The following CAMKMT variants were observed in gnomAD, a reference collection of about 807,000 sequenced individuals.
CAMKMT encodes the protein CaM KMT.
A neutral mutation model predicts 48.0 loss-of-function variants in CAMKMT; 53 were observed. The ratio of observed to expected loss-of-function variants is 1.10; its 90% CI spans 0.89 to 1.39. The LOEUF is 1.39. Ranked by LOEUF, CAMKMT falls within the 40% of genes most tolerant of loss-of-function variation. The pLI is 0.00. For synonymous variants in CAMKMT, 165 were observed against 152.3 expected (o/e 1.08, Z -0.61); for missense variants, 428 against 402.7 (o/e 1.06, Z -0.54).
At chr2:44,368,697 T>A (rs1678866421) in intron 1 of CAMKMT, among the ~76,000 whole-genome samples, 1 of 152,216 alleles carries the variant, frequency 6.6e-6, no homozygotes, top group Non-Finnish European at 1.5e-5. Context: ...TTTAGACTAT[T>A]AAAAGGTATT....
At chr2:44,757,216 G>T (rs1412454943) in intron 9 of CAMKMT, among the ~76,000 whole-genome samples, 1 of 152,188 alleles carries the variant, frequency 6.6e-6, no homozygotes, top group African/African-American at 2.4e-5. Context: ...TGGCTGATGG[G>T]ATGCCTGAGT....
intron 7 of CAMKMT, among the ~76,000 whole-genome samples, 196 bp downstream of exon 7, chr2:44,715,549 C>G (rs529020560): frequency 1.1e-3 from 163 of 152,286 alleles, no homozygotes; most frequent in African/African-American, 3.7e-3. Flanking sequence ...CTCTCATTAG[C>G]TCCAATTAAT....
chr2:44,493,241 A>C (rs1009437739), intron 3 of CAMKMT, among the ~76,000 whole-genome samples: 3 of 152,108 alleles, frequency 2.0e-5, no homozygotes, highest in African/African-American at 7.2e-5. Context: ...AAAAAACATG[A>C]ATTTACTTTG....
At chr2:44,498,276 T>C (rs1415673333) in intron 3 of CAMKMT, among the ~76,000 whole-genome samples, 1 of 152,200 alleles carries the variant, frequency 6.6e-6, no homozygotes, top group Non-Finnish European at 1.5e-5. Flanking sequence ...TGCAGAAATG[T>C]AGCTATTCAG....
In CAMKMT at chr2:44,522,395, A is replaced by G. The variant is rs1443803947; in HGVS notation, c.376+132090A>G. 3.9e-5 allele frequency among the ~76,000 whole-genome samples: 6 copies of G among 152,138 alleles called. No homozygotes were observed. The South Asian group carries it at 6.2e-4, about 16-fold the overall frequency. On this transcript the variant is annotated intron_variant, in intron 3 of 10. Coordinates refer to ENST00000378494, the MANE Select transcript of CAMKMT (RefSeq NM_024766.5). ...TTGTAGGTTTACTGTGTATGTTACA[A>G]TCTATCACATTAGACAAAAGCCACA...
intron 3 of CAMKMT, among the ~76,000 whole-genome samples, chr2:44,604,602 G>C (rs1671183258): frequency 6.8e-6 from 1 of 146,130 alleles, no homozygotes; most frequent in Non-Finnish European, 1.5e-5. Flanking sequence ...ATATCAATTT[G>C]GGCACCCTAA....
rs1029135601 is a variant in CAMKMT, at chr2:44,372,881, T to G, written c.304T>G (p.Ser102Ala). 2 of 1,608,774 alleles carry G rather than the reference T, an allele frequency of 1.2e-6. No individual in the cohort carries two copies. Among genetic ancestry groups the G allele is most frequent in the African/African-American group, 1.3e-5 (1 of 74,668 alleles). The change falls in exon 2 of 11, where the codon TCC becomes GCC. Residue 102 changes from serine to alanine, a missense_variant. Ser to Ala is a moderately conservative substitution (Grantham distance 99). Coordinates refer to ENST00000378494, the MANE Select transcript of CAMKMT (RefSeq NM_024766.5). Reference protein sequence around the residue: ...TSIFCPEYSISLRHNSGSLNV... With the variant: ...TSIFCPEYSIALRHNSGSLNV... Reference sequence around the variant, plus strand: ...CATCTTCTGTCCTGAATACAGTATCTCCTTAAGGTAACCATTATTCTAGTT... The same window carrying G: ...CATCTTCTGTCCTGAATACAGTATCGCCTTAAGGTAACCATTATTCTAGTT...
chr2:44,563,997 G>A (rs1456564554), intron 3 of CAMKMT, among the ~76,000 whole-genome samples: 1 of 152,070 alleles, frequency 6.6e-6, no homozygotes, highest in Non-Finnish European at 1.5e-5. Context: ...ACCCAGTAAT[G>A]GGATGGCTGG....
intron 7 of CAMKMT, chr2:44,723,602 AC>A (rs1240067430): frequency 2.6e-4 from 19 of 72,792 alleles, no homozygotes; most frequent in African/African-American, 5.6e-4. Flanking sequence ...ATAAATAAAT[AC>A]ATACATAAAT....
chr2:44,765,669 A>G (rs1198571008), intron 9 of CAMKMT, among the ~76,000 whole-genome samples: 1 of 152,150 alleles, frequency 6.6e-6, no homozygotes. Flanking sequence ...TCCAGTACAT[A>G]CTTTATTCAG....
intron 3 of CAMKMT, among the ~76,000 whole-genome samples, chr2:44,668,167 T>C (rs113439091): frequency 1.7e-3 from 264 of 152,208 alleles, no homozygotes; most frequent in African/African-American, 6.1e-3. Flanking sequence ...TCTCAGCTGA[T>C]GACCTGGCTG....
intron 2 of CAMKMT, among the ~76,000 whole-genome samples, chr2:44,387,098 A>G (rs1284234804): frequency 2.0e-5 from 3 of 152,110 alleles, no homozygotes; most frequent in African/African-American, 7.2e-5. Context: ...TGACCTGTCT[A>G]GTGCTGTCAG....
intron 3 of CAMKMT, among the ~76,000 whole-genome samples, chr2:44,700,341 G>T (rs1573109082): frequency 6.6e-6 from 1 of 152,178 alleles, no homozygotes. Context: ...ACACTTTTAA[G>T]TTCCTTCAAG....
chr2:44,432,382 C>T (rs1243148777), intron 3 of CAMKMT, among the ~76,000 whole-genome samples: 1 of 152,182 alleles, frequency 6.6e-6, no homozygotes, highest in East Asian at 1.9e-4. Context: ...CTTGGGAGCA[C>T]TGATTACGAA....
chr2:44,415,149 C>T (rs998053130), intron 3 of CAMKMT, among the ~76,000 whole-genome samples: 1 of 151,202 alleles, frequency 6.6e-6, no homozygotes, highest in South Asian at 2.1e-4. Flanking sequence ...GACTCCGTCT[C>T]GGAAAAAAGA....
chr2:44,471,280 C>T lies in CAMKMT; in HGVS notation c.376+80975C>T, dbSNP rs192877665. 3.0e-4 allele frequency among the ~76,000 whole-genome samples: 46 copies of T among 152,168 alleles called. No homozygotes were observed. The East Asian group carries it at 4.3e-3, about 14-fold the overall frequency. On this transcript the variant is annotated intron_variant, in intron 3 of 10. Coordinates refer to ENST00000378494, the MANE Select transcript of CAMKMT (RefSeq NM_024766.5). ...TGCTGGCATTACAGGGGTGAGCCAC[C>T]GCGCCCGGCTCTAATGTTTCTTCTC...
intron 3 of CAMKMT, among the ~76,000 whole-genome samples, chr2:44,609,505 T>C (rs1459713225): frequency 6.6e-6 from 1 of 152,190 alleles, no homozygotes; most frequent in Non-Finnish European, 1.5e-5. Context: ...AAATTTAGTT[T>C]ATTAAGTTAT....
At chr2:44,388,712 G>C (rs1382542991) in intron 2 of CAMKMT, among the ~76,000 whole-genome samples, 1 of 152,162 alleles carries the variant, frequency 6.6e-6, no homozygotes, top group Admixed American at 6.5e-5. Context: ...CCTTGATGTA[G>C]TACTCTCCCC....
intron 3 of CAMKMT, among the ~76,000 whole-genome samples, chr2:44,604,813 T>G (rs1181317356): frequency 2.6e-5 from 4 of 152,106 alleles, no homozygotes; most frequent in African/African-American, 9.7e-5. Context: ...TCCAGGAAAT[T>G]TTATGACACA....
Sources: allele counts gnomAD v4.1 joint callset (sites outside exome capture counted in the v4.1 genomes callset), GRCh38; gene constraint gnomAD v4.1.1; transcripts MANE v1.5; gene names NCBI Gene and HGNC (gene_info 2026-07-23, HGNC 2026-07-21).